EDC3: variants seen among roughly 807,000 people sequenced by gnomAD.
EDC3 encodes enhancer of mRNA-decapping protein 3.
Under a neutral mutation model 41.8 loss-of-function variants are expected in EDC3, and 20 were observed. The ratio of observed to expected loss-of-function variants is 0.48; its 90% CI spans 0.34 to 0.70. EDC3 has a LOEUF of 0.70. EDC3 is among the 30% of genes least tolerant of loss of function. The pLI is 0.01. For missense variants in EDC3, 444 were observed against 636.8 expected (o/e 0.70, Z 3.26); for synonymous variants, 206 against 243.2 (o/e 0.85, Z 1.42).
intron 1 of EDC3, among the ~76,000 whole-genome samples, chr15:74,685,238 A>C (rs756666552): frequency 1.3e-4 from 20 of 152,062 alleles, no homozygotes; most frequent in Non-Finnish European, 2.5e-4. Context: ...CTGCAAAAAA[A>C]TTAAAAAAAC....
At chr15:74,678,194 T>C (rs1278811936) in intron 1 of EDC3, among the ~76,000 whole-genome samples, 1 of 152,174 alleles carries the variant, frequency 6.6e-6, no homozygotes, top group Non-Finnish European at 1.5e-5. Context: ...ACCCATAGAA[T>C]GTACAACACC....
chr15:74,680,938 T>A (rs958688214), intron 1 of EDC3, among the ~76,000 whole-genome samples: 2 of 152,090 alleles, frequency 1.3e-5, no homozygotes, highest in Non-Finnish European at 1.5e-5. Context: ...AGGATTTGTA[T>A]ACTGAAAACT....
At chr15:74,680,279 A>T (rs978379579) in intron 1 of EDC3, among the ~76,000 whole-genome samples, 2 of 150,710 alleles carry the variant, frequency 1.3e-5, no homozygotes, top group African/African-American at 4.9e-5. Flanking sequence ...AAAAAAAAAA[A>T]AAAAAGATTT....
At chr15:74,655,405 G>C (rs533162599) in intron 4 of EDC3, among the ~76,000 whole-genome samples, 2 of 152,310 alleles carry the variant, frequency 1.3e-5, no homozygotes, top group Non-Finnish European at 1.5e-5. Flanking sequence ...CAGTAATAGA[G>C]AAGCCAAAGT....
intron 1 of EDC3, among the ~76,000 whole-genome samples, chr15:74,688,269 C>T (rs1223696343): frequency 5.9e-5 from 9 of 152,226 alleles, no homozygotes; most frequent in Non-Finnish European, 1.2e-4. Context: ...ATACAGCTAA[C>T]ACCTCCACGT....
chr15:74,679,133 T>C (rs906703491), intron 1 of EDC3, among the ~76,000 whole-genome samples: 8 of 150,786 alleles, frequency 5.3e-5, no homozygotes, highest in Non-Finnish European at 1.0e-4. Context: ...GGAGGGGAGG[T>C]TGCAGTTAGC....
intron 2 of EDC3, among the ~76,000 whole-genome samples, chr15:74,674,141 A>G (rs1426260442): frequency 6.6e-6 from 1 of 152,068 alleles, no homozygotes; most frequent in African/African-American, 2.4e-5. Flanking sequence ...GTCTTGCTCT[A>G]TTACCCAGGC....
rs60193835 is a variant in EDC3, at chr15:74,658,624, G to GAAAA, written c.485-2560_485-2557dup. On this transcript the variant is annotated intron_variant, in intron 3 of 6. Coordinates refer to ENST00000315127, the MANE Select transcript of EDC3 (RefSeq NM_025083.5). ...CAGTGAAGATGCAATTTACGTCTCTGAAAAAAAAAAAAAAAAAAAAAAAAA... is the reference window on the plus strand; with the variant it reads ...CAGTGAAGATGCAATTTACGTCTCTGAAAAAAAAAAAAAAAAAAAAAAAAAAAAA... Among the ~76,000 whole-genome samples, 9 of 39,040 alleles carry GAAAA rather than the reference G, an allele frequency of 2.3e-4. 1 individual carries two copies. The highest frequency in any genetic ancestry group is 3.3e-4 in the Admixed American group (1 of 3,064). 25.6% of individuals were successfully genotyped at this position (39,040 alleles called of 152,430 possible). A position where few individuals can be genotyped will look rare whatever the true frequency, so the allele number is the denominator to read the frequency against.
intron 3 of EDC3, among the ~76,000 whole-genome samples, chr15:74,658,641 A>C (rs557812730): frequency 2.9e-4 from 44 of 150,000 alleles, no homozygotes; most frequent in Non-Finnish European, 5.5e-4. Flanking sequence ...AAAAAAAAAA[A>C]AAAAAAAAAA....
chr15:74,693,303 T>C (rs997181440), intron 1 of EDC3, among the ~76,000 whole-genome samples: 4 of 152,198 alleles, frequency 2.6e-5, no homozygotes, highest in Non-Finnish European at 5.9e-5. Context: ...TCCTGTGAGG[T>C]CACATCTCCA....
chr15:74,654,203 G>C lies in EDC3; in HGVS notation c.820+1530C>G, dbSNP rs546552631. On this transcript the variant is annotated intron_variant, in intron 4 of 6. Coordinates refer to ENST00000315127, the MANE Select transcript of EDC3 (RefSeq NM_025083.5). ...AGGAGGTGGAGGTTGGCAGTGAGCA[G>C]AGATTGCGCCATTGCACTCCAGCTT... 2.0e-5 allele frequency among the ~76,000 whole-genome samples: 3 copies of C among 150,064 alleles called. No homozygotes were observed. In the South Asian group the frequency reaches 6.3e-4, roughly 32 times the overall value.
intron 5 of EDC3, chr15:74,636,845 A>T (rs1024051489): frequency 2.6e-5 from 4 of 152,238 alleles, no homozygotes; most frequent in Non-Finnish European, 5.9e-5. Context: ...AGAGTTGTGG[A>T]ATCTGACTCA....
chr15:74,642,984 G>C (rs2062372017), intron 4 of EDC3: 1 of 152,268 alleles, frequency 6.6e-6, no homozygotes, highest in Non-Finnish European at 1.5e-5. Context: ...TATTTTTGCA[G>C]CCTAGAGAAA....
At chr15:74,669,893 A>C (rs890180452) in intron 3 of EDC3, among the ~76,000 whole-genome samples, 5 of 151,958 alleles carry the variant, frequency 3.3e-5, no homozygotes, top group African/African-American at 1.2e-4. Context: ...ACCCAGGCTG[A>C]AGTGCAGTGG....
At position 74,655,731 on chromosome 15, in the gene EDC3, ACC is replaced by A; in HGVS notation, c.820_820+1del. On this transcript the variant is annotated splice_donor_variant and coding_sequence_variant, in exon 4 of 7. Coordinates refer to ENST00000315127, the MANE Select transcript of EDC3 (RefSeq NM_025083.5). LOFTEE classifies it high-confidence loss of function. Reference sequence around the variant, plus strand: ...CAGGATGTGGGACCTGATGCAACTCACCCGTGCAGAACTCCTTGCTCACGTTG... The same window carrying A: ...CAGGATGTGGGACCTGATGCAACTCACGTGCAGAACTCCTTGCTCACGTTG... 6.2e-7 allele frequency: 1 copy of A among 1,601,110 alleles called. No individual in the cohort carries two copies. Among genetic ancestry groups the A allele is most frequent in the Non-Finnish European group, 8.5e-7 (1 of 1,170,204 alleles).
intron 6 of EDC3, 130 bp downstream of exon 6, chr15:74,635,279 T>C (rs768046194): frequency 3.3e-5 from 27 of 817,346 alleles, no homozygotes; most frequent in Non-Finnish European, 5.6e-5. Flanking sequence ...GTTCTAAGAC[T>C]CCTTAGAGGC....
At chr15:74,638,777 CCAAT>C (rs2141578727) in intron 5 of EDC3, 1 of 152,198 alleles carries the variant, frequency 6.6e-6, no homozygotes, top group Admixed American at 6.5e-5. Context: ...TAACCACCAT[CCAAT>C]CAGATGTCCA....
chr15:74,644,414 A>G (rs911311146), intron 4 of EDC3: 20 of 152,026 alleles, frequency 1.3e-4, no homozygotes, highest in Admixed American at 6.6e-5. Context: ...ACTTCCCTTC[A>G]TTGCATTCAA....
At chr15:74,640,197 T>TTAGCAGGAGTCTCAGGCCCGATGGCTGC in intron 5 of EDC3, 3 of 392,792 alleles carry the variant, frequency 7.6e-6, no homozygotes, top group South Asian at 3.8e-5. Flanking sequence ...CTTCTGATAG[T>TTAGCAGGAGTCTCAGGCCCGATGGCTGC]TAGCAGGAGT....
Sources: allele counts gnomAD v4.1 joint callset (sites outside exome capture counted in the v4.1 genomes callset), GRCh38; gene constraint gnomAD v4.1.1; transcripts MANE v1.5; gene names NCBI Gene and HGNC (gene_info 2026-07-23, HGNC 2026-07-21).